Variants in OOSP4A observed in about 807,000 individuals in gnomAD.
OOSP4A encodes oocyte secreted protein family member 4A, also known as oocyte-secreted protein 4A.
chr11:59,967,335 A>G (rs1249450136), intron 3 of OOSP4A, among the ~76,000 whole-genome samples, 171 bp downstream of exon 3: 1 of 152,208 alleles, frequency 6.6e-6, no homozygotes, highest in East Asian at 1.9e-4. Context: ...GATTCTCTCA[A>G]TGTAGTTTCC....
chr11:59,965,992 GT>G (rs1008343612), intron 2 of OOSP4A, among the ~76,000 whole-genome samples: 1 of 151,670 alleles, frequency 6.6e-6, no homozygotes, highest in East Asian at 1.9e-4. Context: ...TGTTGTTGTT[GT>G]TTTTTAAAAT....
intron 1 of OOSP4A, 97 bp downstream of exon 1, chr11:59,964,196 T>C: frequency 2.5e-6 from 1 of 395,572 alleles, no homozygotes; most frequent in Admixed American, 4.4e-5. Context: ...GGGAGTTTGT[T>C]TTTTTTATAA....
At chr11:59,965,894 G>T (rs1385459976) in intron 2 of OOSP4A, among the ~76,000 whole-genome samples, 181 bp downstream of exon 2, 1 of 152,122 alleles carries the variant, frequency 6.6e-6, no homozygotes, top group African/African-American at 2.4e-5. Context: ...AGACAAATAG[G>T]ATTTGGGATT....
At chr11:59,968,059 T>C (rs1854119117) in intron 3 of OOSP4A, among the ~76,000 whole-genome samples, 1 of 152,170 alleles carries the variant, frequency 6.6e-6, no homozygotes, top group South Asian at 2.1e-4. Flanking sequence ...CAAACTTGGG[T>C]TTTCTTTAAG....
At chr11:59,970,167 T>C (rs572720747), downstream of OOSP4A, 2 of 397,778 alleles carry the variant, frequency 5.0e-6, no homozygotes, top group East Asian at 7.1e-5. Flanking sequence ...TGCTTGAGGA[T>C]TTCATTGCCT....
At chr11:59,969,445 G>A (rs1414039957) in intron 4 of OOSP4A, among the ~76,000 whole-genome samples, 161 bp downstream of exon 4, 1 of 152,020 alleles carries the variant, frequency 6.6e-6, no homozygotes, top group African/African-American at 2.4e-5. Flanking sequence ...TGTTTATTAG[G>A]GATATATTTT....
chr11:59,964,854 T>C (rs1854081175), intron 1 of OOSP4A, among the ~76,000 whole-genome samples: 1 of 152,136 alleles, frequency 6.6e-6, no homozygotes, highest in Non-Finnish European at 1.5e-5. Flanking sequence ...TATTTTTCTA[T>C]TGTGTGCAGC....
chr11:59,966,490 T>G (rs1416497322), intron 2 of OOSP4A, among the ~76,000 whole-genome samples: 1 of 151,742 alleles, frequency 6.6e-6, no homozygotes, highest in Non-Finnish European at 1.5e-5. Flanking sequence ...TTTTTTTTGC[T>G]TTTTGCAATG....
intron 3 of OOSP4A, among the ~76,000 whole-genome samples, chr11:59,968,105 GAGA>G (rs1433882539): frequency 1.3e-5 from 2 of 152,132 alleles, no homozygotes; most frequent in Non-Finnish European, 2.9e-5. Flanking sequence ...AAAGGATTTG[GAGA>G]AGAAGAGGGT....
chr11:59,965,789 C>T (rs767945154), intron 2 of OOSP4A, 76 bp downstream of exon 2: 8 of 397,204 alleles, frequency 2.0e-5, no homozygotes, highest in Non-Finnish European at 3.5e-5. Context: ...ACTAAAACTG[C>T]AGTATTCACA....
chr11:59,964,639 G>T (rs1454290918), intron 1 of OOSP4A, among the ~76,000 whole-genome samples: 1 of 151,948 alleles, frequency 6.6e-6, no homozygotes, highest in African/African-American at 2.4e-5. Flanking sequence ...TGTAAATATG[G>T]GATAATAATA....
chr11:59,969,949 C>G (rs997176104), intron 4 of OOSP4A, 100 bp from the exon 5 acceptor site: 1 of 394,428 alleles, frequency 2.5e-6, no homozygotes, highest in East Asian at 3.6e-5. Context: ...AAAATTGATG[C>G]CTTTTTCCCA....
intron 3 of OOSP4A, 122 bp downstream of exon 3, chr11:59,967,286 T>C: frequency 2.5e-6 from 1 of 392,872 alleles, no homozygotes; most frequent in Non-Finnish European, 4.5e-6. Flanking sequence ...ATCTGATCTA[T>C]GGTGTTCTGT....
At chr11:59,966,509 C>T (rs1854100904) in intron 2 of OOSP4A, among the ~76,000 whole-genome samples, 1 of 150,842 alleles carries the variant, frequency 6.6e-6, no homozygotes, top group African/African-American at 2.4e-5. Context: ...TGGAGTCTTG[C>T]TCTGTCACCA....
At chr11:59,969,598 A>G (rs72912759) in intron 4 of OOSP4A, among the ~76,000 whole-genome samples, 1 of 152,332 alleles carries the variant, frequency 6.6e-6, no homozygotes, top group Non-Finnish European at 1.5e-5. Context: ...GATTCCCGTA[A>G]AGATAGTAAT....
intron 2 of OOSP4A, among the ~76,000 whole-genome samples, chr11:59,966,196 G>A (rs893292652): frequency 2.1e-5 from 3 of 144,538 alleles, no homozygotes; most frequent in African/African-American, 7.7e-5. Context: ...ATGTTAAATT[G>A]TTGCTATGTT....
chr11:59,969,090 T>C, intron 3 of OOSP4A, 60 bp from the exon 4 acceptor site: 1 of 397,418 alleles, frequency 2.5e-6, no homozygotes, highest in Middle Eastern at 6.3e-4. Flanking sequence ...TTCAACTTTT[T>C]CTCCACCTCC....
At chr11:59,965,541 T>C (rs751706640) in exon 2 of OOSP4A, 67 of 398,398 alleles carry the variant, frequency 1.7e-4, no homozygotes, top group Middle Eastern at 1.2e-3. Flanking sequence ...ACAGTGTCTA[T>C]AACCTGTTCT....
chr11:59,964,861 C>A (rs1367404375), intron 1 of OOSP4A, among the ~76,000 whole-genome samples: 1 of 151,932 alleles, frequency 6.6e-6, no homozygotes, highest in African/African-American at 2.4e-5. Context: ...CTATTGTGTG[C>A]AGCCAAATGT....
Sources: gnomAD v4.1 joint callset for allele counts (sites outside exome capture counted in the v4.1 genomes callset) on GRCh38, gnomAD v4.1.1 for gene constraint, MANE v1.5 for transcripts, NCBI Gene and HGNC (gene_info 2026-07-23, HGNC 2026-07-21) for gene names.